The following ITIH3 variants were observed in gnomAD, a reference collection of about 807,000 sequenced individuals.
ITIH3 encodes the protein inter-alpha-trypsin inhibitor heavy chain 3.
Under a neutral mutation model 96.5 loss-of-function variants are expected in ITIH3, and 81 were observed. The ratio of observed to expected loss-of-function variants is 0.84; its 90% CI spans 0.70 to 1.01. The LOEUF is 1.01. Among genes scored for constraint, ITIH3 ranks in the 50% least tolerant of loss-of-function variants. The probability of loss-of-function intolerance (pLI) is 0.00; values close to 1 mark genes in which losing one functional copy is unlikely to be tolerated. For synonymous variants in ITIH3, 422 were observed against 445.2 expected (o/e 0.95, Z 0.66); for missense variants, 1,057 against 1,139.3 (o/e 0.93, Z 1.04).
intron 7 of ITIH3, 136 bp downstream of exon 7, chr3:52,799,227 C>T: frequency 7.9e-7 from 1 of 1,264,616 alleles, no homozygotes; most frequent in Non-Finnish European, 1.1e-6. Flanking sequence ...AGCTGATGGC[C>T]TAGAGCCTGG....
intron 14 of ITIH3, chr3:52,804,217 C>A: frequency 1.7e-6 from 1 of 593,450 alleles, no homozygotes. Context: ...ATAGGAGCCT[C>A]TGCACCTCTA....
intron 6 of ITIH3, 95 bp downstream of exon 6, chr3:52,798,025 C>T: frequency 1.4e-6 from 1 of 735,550 alleles, no homozygotes. Context: ...CTGCTGCAAG[C>T]ATGCATGTGT....
chr3:52,804,345 G>T, intron 14 of ITIH3: 1 of 441,306 alleles, frequency 2.3e-6, no homozygotes, highest in East Asian at 4.2e-5. Context: ...TGAAAGGCCT[G>T]GAGCAGGCTA....
At chr3:52,806,850 T>C in intron 18 of ITIH3, 51 bp from the exon 19 acceptor site, 1 of 1,480,208 alleles carries the variant, frequency 6.8e-7, no homozygotes, top group Non-Finnish European at 9.2e-7. Context: ...AAAGGCAATC[T>C]GGACTCAGAA....
At chr3:52,802,543 G>A in intron 12 of ITIH3, 24 bp downstream of exon 12, 1 of 1,613,034 alleles carries the variant, frequency 6.2e-7, no homozygotes, top group Non-Finnish European at 8.5e-7. Context: ...GGGCCTGGAA[G>A]TGTGCTGGGG....
At position 52,806,382 on chromosome 3, in the gene ITIH3, C is replaced by T. The variant is rs773229579; in HGVS notation, c.2032C>T (p.Arg678Cys). 33 of 1,613,450 alleles carry T rather than the reference C, an allele frequency of 2.0e-5. No individual in the cohort carries two copies. Among genetic ancestry groups the T allele is most frequent in the Admixed American group, 5.0e-5 (3 of 59,950 alleles). ...NIDEAPGTVL[R>C]LIQDAVTGLT... ...CGATGAAGCCCCAGGCACAGTGCTG[C>T]GCCTTATTCAGGATGCAGTCACAGG... The change falls in exon 18 of 22, where the codon CGC becomes TGC. Residue 678 changes from arginine (R) to cysteine (C), a missense_variant. Transcript: ENST00000449956.
At chr3:52,803,379 C>T (rs1207462854) in intron 13 of ITIH3, among the ~76,000 whole-genome samples, 7 of 149,220 alleles carry the variant, frequency 4.7e-5, no homozygotes, top group East Asian at 2.0e-4. Context: ...AGTGCAGTGG[C>T]GGGATCTCGG....
In ITIH3 at chr3:52,808,660, C is replaced by T. The variant is rs201701018; in HGVS notation, c.2652C>T (p.Tyr884=). ...TGATTGATGGTGTCCACACTGACTACATTGTCCCCAACCTGTTTTGAGTAG... is the reference window on the plus strand; with the variant it reads ...TGATTGATGGTGTCCACACTGACTATATTGTCCCCAACCTGTTTTGAGTAG... ...EGLIDGVHTD[Y]IVPNLF The change falls in exon 22 of 22, where the codon TAC becomes TAT. Residue 884 remains tyrosine, a synonymous_variant. Transcript: ENST00000449956. 53 of 1,612,118 alleles carry T rather than the reference C, an allele frequency of 3.3e-5. 1 individual carries two copies. In the East Asian group the frequency reaches 1.2e-3, roughly 36 times the overall value.
At position 52,806,372 on chromosome 3, in the gene ITIH3, C is replaced by T. The variant is rs376810449; in HGVS notation, c.2022C>T (p.Gly674=). The part of the protein sequence containing the change: ...ALCFNIDEAP[G]TVLRLIQDAV... ...GCTTCAACATCGATGAAGCCCCAGG[C>T]ACAGTGCTGCGCCTTATTCAGGATG... The change falls in exon 18 of 22, where the codon GGC becomes GGT. Residue 674 remains glycine, a synonymous_variant. Coordinates refer to ENST00000449956, the MANE Select transcript of ITIH3 (RefSeq NM_002217.4). 5.0e-6 allele frequency: 8 copies of T among 1,613,858 alleles called. No homozygotes were observed. In the African/African-American group the frequency reaches 1.1e-4, roughly 22 times the overall value.
At chr3:52,800,159 C>T (rs1699769120) in intron 9 of ITIH3, among the ~76,000 whole-genome samples, 1 of 152,164 alleles carries the variant, frequency 6.6e-6, no homozygotes, top group Non-Finnish European at 1.5e-5. Context: ...TCTCACAAGT[C>T]CCAGCAAGAT....
rs138738637 is a variant in ITIH3, at chr3:52,808,180, T to A, written c.2502T>A (p.Asp834Glu). The A allele has an allele frequency of 1.4e-5, 23 of 1,614,206 alleles. No individual in the cohort carries two copies. The highest frequency in any genetic ancestry group is 1.8e-5 in the Non-Finnish European group (21 of 1,180,026). Residue 834 changes from aspartate (D) to glutamate (E), a missense_variant, in exon 21 of 22, where the codon GAT becomes GAA. Physicochemically the swap from Asp to Glu is conservative, Grantham distance 45. Transcript: ENST00000449956. Reference sequence around the variant, plus strand: ...CAGGCTCTGACCCCACAAAGCCAGATGCCACATTGGTGGTGAAGAACCATC... The same window carrying A: ...CAGGCTCTGACCCCACAAAGCCAGAAGCCACATTGGTGGTGAAGAACCATC... ...IRPGSDPTKP[D>E]ATLVVKNHQL... is the part of the protein sequence containing the mutation.
At position 52,808,652 on chromosome 3, in the gene ITIH3, A is replaced by G. The variant is rs759988125; in HGVS notation, c.2644A>G (p.Thr882Ala). Reference sequence around the variant, plus strand: ...AGAAGGGCTGATTGATGGTGTCCACACTGACTACATTGTCCCCAACCTGTT... The same window carrying G: ...AGAAGGGCTGATTGATGGTGTCCACGCTGACTACATTGTCCCCAACCTGTT... The part of the protein sequence containing the change: ...NGEGLIDGVH[T>A]DYIVPNLF Residue 882 changes from threonine to alanine, a missense_variant, in exon 22 of 22, where the codon ACT (threonine) becomes GCT (alanine). Transcript: ENST00000449956. The G allele has an allele frequency of 3.1e-6, 5 of 1,613,514 alleles. No individual in the cohort carries two copies. Among genetic ancestry groups the G allele is most frequent in the South Asian group, 1.1e-5 (1 of 91,070 alleles).
Position 52,799,037 on chromosome 3 carries a change from T to C in ITIH3, c.735T>C (p.Asn245=), listed in dbSNP as rs201518855. ...CAACCTGTACAGACTCCCTCCTCAA[T>C]GGAGATTTCACTATCACCTATGACG... ...SCPTCTDSLL[N]GDFTITYDVN... Residue 245 remains asparagine (N), a synonymous_variant, in exon 7 of 22, where the codon AAT becomes AAC. Transcript: ENST00000449956. 1.2e-6 allele frequency: 2 copies of C among 1,613,630 alleles called. No individual in the cohort carries two copies. Among genetic ancestry groups the C allele is most frequent in the African/African-American group, 1.3e-5 (1 of 75,058 alleles).
intron 18 of ITIH3, 116 bp downstream of exon 18, chr3:52,806,522 A>G: frequency 1.3e-6 from 1 of 761,442 alleles, no homozygotes; most frequent in Non-Finnish European, 2.1e-6. Flanking sequence ...TCATCTTCAC[A>G]TGCAAAGAAA....
chr3:52,799,647 A>T, intron 8 of ITIH3, 106 bp from the exon 9 acceptor site: 1 of 1,268,228 alleles, frequency 7.9e-7, no homozygotes, highest in Non-Finnish European at 1.1e-6. Flanking sequence ...GGCAAGCCTC[A>T]GGCAGGGCTC....
At chr3:52,801,290 A>G (rs1303382773) in intron 11 of ITIH3, 144 bp downstream of exon 11, 1 of 717,400 alleles carries the variant, frequency 1.4e-6, no homozygotes, top group Non-Finnish European at 2.1e-6. Flanking sequence ...CCCATCAGTA[A>G]AGATTCTGAT....
Position 52,796,935 on chromosome 3 carries a change from T to G in ITIH3, c.386+92T>G. 5 of 1,169,750 alleles carry G rather than the reference T, an allele frequency of 4.3e-6. No individual in the cohort carries two copies. The South Asian group carries it at 7.7e-5, about 18-fold the overall frequency. The allele number at this position is 1,169,750 out of a possible 1,614,324, so 72.5% of individuals were successfully genotyped here. A position where few individuals can be genotyped will look rare whatever the true frequency, so the allele number is the denominator to read the frequency against. On this transcript the variant is annotated intron_variant, in intron 4 of 21. Coordinates refer to ENST00000449956, the MANE Select transcript of ITIH3 (RefSeq NM_002217.4). The stretch of plus-strand genomic sequence containing the variant: ...ACAACAACAGCTATTATTATTGGTA[T>G]AGCAAAATGTGCCCATAATTTTGCC...
At position 52,800,037 on chromosome 3, in the gene ITIH3, C is replaced by T. The variant is rs950430031; in HGVS notation, c.1075+116C>T. On this transcript the variant is annotated intron_variant, in intron 9 of 21. Transcript: ENST00000449956. ...GTCTCAGGCCCTCTTCAGATCTGAG[C>T]TGGGGTAGAGGTGGGAGTGGATGGT... 5.1e-6 allele frequency: 5 copies of T among 988,602 alleles called. No homozygotes were observed. The African/African-American group carries it at 6.5e-5, about 13-fold the overall frequency. 61.2% of individuals were successfully genotyped at this position (988,602 alleles called of 1,614,324 possible). A position where few individuals can be genotyped will look rare whatever the true frequency, so the allele number is the denominator to read the frequency against.
intron 21 of ITIH3, 98 bp from the exon 22 acceptor site, chr3:52,808,454 G>C: frequency 6.6e-7 from 1 of 1,509,516 alleles, no homozygotes; most frequent in Non-Finnish European, 9.2e-7. Context: ...TGGGCTGTTA[G>C]AATTGCCAAC....
Sources: gnomAD v4.1 joint callset for allele counts (sites outside exome capture counted in the v4.1 genomes callset) on GRCh38, gnomAD v4.1.1 for gene constraint, MANE v1.5 for transcripts, NCBI Gene and HGNC (gene_info 2026-07-23, HGNC 2026-07-21) for gene names.